Variants in SNTG1 observed in about 807,000 individuals in gnomAD.
SNTG1 encodes the protein gamma-1-syntrophin.
In SNTG1, 39 loss-of-function variants were observed where a neutral mutation model predicts 74.7. That is an observed-to-expected ratio of 0.52 (90% CI 0.40 to 0.68). The LOEUF (loss-of-function observed/expected upper bound fraction) is 0.68, where lower values mean the gene tolerates loss of function less well. Ranked by LOEUF, SNTG1 falls within the 30% of genes least tolerant of loss-of-function variation. The pLI is 0.00. For missense variants in SNTG1, 685 were observed against 609.5 expected (o/e 1.12, Z -1.30); for synonymous variants, 254 against 217.1 (o/e 1.17, Z -1.49).
chr8:50,362,878 C>T (rs1267915693), intron 2 of SNTG1, among the ~76,000 whole-genome samples: 1 of 152,006 alleles, frequency 6.6e-6, no homozygotes, highest in Non-Finnish European at 1.5e-5. Flanking sequence ...CATGAATGGG[C>T]CATATAACTA....
At chr8:50,700,951 C>T (rs761163505) in intron 15 of SNTG1, among the ~76,000 whole-genome samples, 64 of 151,962 alleles carry the variant, frequency 4.2e-4, no homozygotes, top group Non-Finnish European at 5.4e-4. Context: ...GAGAGAGTCA[C>T]GACTTGGGTA....
chr8:50,046,525 C>A (rs1563518136), intron 1 of SNTG1, among the ~76,000 whole-genome samples: 1 of 152,114 alleles, frequency 6.6e-6, no homozygotes, highest in African/African-American at 2.4e-5. Context: ...TAATTCTACT[C>A]TTTTTTAAAT....
At chr8:50,218,228 G>A (rs986811439) in intron 2 of SNTG1, among the ~76,000 whole-genome samples, 25 of 152,186 alleles carry the variant, frequency 1.6e-4, no homozygotes, top group African/African-American at 6.0e-4. Flanking sequence ...AATGCACTGA[G>A]CATAGGGATG....
At chr8:49,928,220 T>A (rs149017198) in intron 1 of SNTG1, among the ~76,000 whole-genome samples, 2,068 of 66,480 alleles carry the variant, frequency 0.031, 51 homozygotes, top group African/African-American at 0.1. Context: ...GATGTGTCCA[T>A]GCAGTTTTTT....
chr8:50,226,738 T>TC (rs2085348717), intron 2 of SNTG1, among the ~76,000 whole-genome samples: 1 of 152,184 alleles, frequency 6.6e-6, no homozygotes, highest in Admixed American at 6.6e-5. Flanking sequence ...GGTTGATGTC[T>TC]CATGCCTCTC....
chr8:50,064,667 C>T (rs1820759614), intron 1 of SNTG1, among the ~76,000 whole-genome samples: 1 of 152,180 alleles, frequency 6.6e-6, no homozygotes, highest in South Asian at 2.1e-4. Flanking sequence ...ATATGGGTTC[C>T]TGTGGCTCTT....
intron 2 of SNTG1, among the ~76,000 whole-genome samples, chr8:50,318,281 GT>G (rs35748973): frequency 0.47 from 71,998 of 152,034 alleles, 19,464 homozygotes; most frequent in East Asian, 0.83. Context: ...GTAAAAGAAT[GT>G]TTGAAGGTAA....
At chr8:50,737,962 G>T (rs2095533156) in intron 17 of SNTG1, among the ~76,000 whole-genome samples, 1 of 151,998 alleles carries the variant, frequency 6.6e-6, no homozygotes, top group African/African-American at 2.4e-5. Context: ...ATACTGAATG[G>T]GCAAAAGTGG....
rs1348255727 is a variant in SNTG1, at chr8:50,762,535, C to T, written c.1395+10424C>T. 9 of 371,970 alleles carry T rather than the reference C, an allele frequency of 2.4e-5. No individual in the cohort carries two copies. In the East Asian group the frequency reaches 6.0e-4, roughly 25 times the overall value. 23.0% of individuals were successfully genotyped at this position (371,970 alleles called of 1,614,324 possible). On this transcript the variant is annotated intron_variant, in intron 18 of 18. Transcript: ENST00000642720. The stretch of plus-strand genomic sequence containing the variant: ...AAGCTATCAAGTCTGCCCTTTCTAC[C>T]TTCTTAATGCAGGCAAAGATCATTT...
At chr8:50,717,200 T>C (rs978055462) in intron 17 of SNTG1, among the ~76,000 whole-genome samples, 6 of 152,192 alleles carry the variant, frequency 3.9e-5, no homozygotes, top group African/African-American at 1.4e-4. Flanking sequence ...TTATGTCTTG[T>C]TTTCCTTCTC....
chr8:50,167,634 GA>G (rs759426683), intron 1 of SNTG1, among the ~76,000 whole-genome samples: 1,535 of 132,758 alleles, frequency 0.012, 20 homozygotes, highest in African/African-American at 0.034. Context: ...TCATCGCTAC[GA>G]AAAAAAAAAA....
chr8:50,729,684 G>C (rs2095508229), intron 17 of SNTG1, among the ~76,000 whole-genome samples: 1 of 152,142 alleles, frequency 6.6e-6, no homozygotes, highest in Non-Finnish European at 1.5e-5. Flanking sequence ...AAATAGGTTT[G>C]TGAGTTGGTA....
chr8:50,129,658 C>T (rs1284023360), intron 1 of SNTG1, among the ~76,000 whole-genome samples: 1 of 152,038 alleles, frequency 6.6e-6, no homozygotes, highest in Non-Finnish European at 1.5e-5. Context: ...AGAAACCATC[C>T]TCATATCACA....
chr8:50,111,990 T>G lies in SNTG1; in HGVS notation c.-102-60571T>G, dbSNP rs145564362. 2.1e-3 allele frequency among the ~76,000 whole-genome samples: 319 copies of G among 152,124 alleles called. 1 individual carries two copies. The highest frequency in any genetic ancestry group is 0.013 in the East Asian group (68 of 5,172). On this transcript the variant is annotated intron_variant, in intron 1 of 18. Coordinates refer to ENST00000642720, the MANE Select transcript of SNTG1 (RefSeq NM_018967.5). ...ACTTTATGGCATAAATCTGAAAAGG[T>G]GAATGAATTATTTTAAGAAAATTAT...
intron 13 of SNTG1, among the ~76,000 whole-genome samples, chr8:50,655,678 C>T (rs1376969925): frequency 2.0e-5 from 3 of 152,060 alleles, no homozygotes; most frequent in African/African-American, 4.8e-5. Context: ...AGAGAGTAAA[C>T]ATAATTAATG....
intron 1 of SNTG1, among the ~76,000 whole-genome samples, chr8:50,032,046 A>G (rs897983977): frequency 1.3e-5 from 2 of 152,082 alleles, no homozygotes; most frequent in South Asian, 4.1e-4. Context: ...GAATGTATCC[A>G]TTTTGTCTAG....
chr8:49,968,511 T>C (rs1025754581), intron 1 of SNTG1, among the ~76,000 whole-genome samples: 7 of 151,976 alleles, frequency 4.6e-5, no homozygotes, highest in Non-Finnish European at 7.4e-5. Context: ...AAGATCCAGA[T>C]CACTAGATGC....
In SNTG1 at chr8:50,495,728, C is replaced by G. The variant is rs369390528; in HGVS notation, c.364-7050C>G. ...GGCCTTATCTCCTGCCCATGGCTAG[C>G]AACTGCCATGACCCTGTGAGCAATC... On this transcript the variant is annotated intron_variant, in intron 8 of 18. Transcript: ENST00000642720. 6.9e-4 allele frequency among the ~76,000 whole-genome samples: 105 copies of G among 152,266 alleles called. No individual in the cohort carries two copies. The East Asian group carries it at 0.019, about 28-fold the overall frequency.
intron 1 of SNTG1, among the ~76,000 whole-genome samples, chr8:50,027,784 T>C (rs941350848): frequency 6.6e-6 from 1 of 152,230 alleles, no homozygotes; most frequent in African/African-American, 2.4e-5. Flanking sequence ...CAATTCATTG[T>C]AAATAGCACC....
Sources: allele counts gnomAD v4.1 joint callset (sites outside exome capture counted in the v4.1 genomes callset), GRCh38; gene constraint gnomAD v4.1.1; transcripts MANE v1.5; gene names NCBI Gene and HGNC (gene_info 2026-07-23, HGNC 2026-07-21).